The following MAGI2 variants were observed in gnomAD, a reference collection of about 807,000 sequenced individuals.
MAGI2 encodes the protein membrane associated guanylate kinase, WW and PDZ domain containing 2.
Under a neutral mutation model 133.3 loss-of-function variants are expected in MAGI2, and 35 were observed. The observed-to-expected ratio is 0.26, with a 90% CI of 0.20 to 0.35. MAGI2 has a LOEUF of 0.35. Among genes scored for constraint, MAGI2 ranks in the 10% least tolerant of loss-of-function variants. MAGI2 has a pLI of 1.00. For missense variants in MAGI2, 1,636 were observed against 1,863.4 expected (o/e 0.88, Z 2.25); for synonymous variants, 729 against 710.6 (o/e 1.03, Z -0.41).
At chr7:79,057,470 ATT>A (rs1165063456) in intron 1 of MAGI2, among the ~76,000 whole-genome samples, 1 of 152,220 alleles carries the variant, frequency 6.6e-6, no homozygotes, top group Non-Finnish European at 1.5e-5. Context: ...GAATATGTGT[ATT>A]TTTGTTTCTA....
chr7:79,201,495 A>C (rs1828611172), intron 1 of MAGI2, among the ~76,000 whole-genome samples: 2 of 151,874 alleles, frequency 1.3e-5, no homozygotes, highest in South Asian at 4.1e-4. Context: ...ATATTCCATG[A>C]ATAGTGTTTT....
At chr7:78,213,870 C>T (rs1788011965) in intron 10 of MAGI2, among the ~76,000 whole-genome samples, 1 of 152,212 alleles carries the variant, frequency 6.6e-6, no homozygotes, top group African/African-American at 2.4e-5. Context: ...TTCCTTCTAA[C>T]ACTTCTTTCC....
chr7:78,147,866 ATAC>A (rs1402645019), intron 16 of MAGI2, among the ~76,000 whole-genome samples: 1 of 151,972 alleles, frequency 6.6e-6, no homozygotes, highest in Non-Finnish European at 1.5e-5. Context: ...CCAAAATGAC[ATAC>A]TACTATGCAC....
chr7:79,168,030 A>G (rs1253853736), intron 1 of MAGI2, among the ~76,000 whole-genome samples: 2 of 152,152 alleles, frequency 1.3e-5, no homozygotes, highest in Non-Finnish European at 2.9e-5. Context: ...AGGGAGACCC[A>G]TACCTTTATT....
At chr7:78,655,450 C>CAACCAAAAAAAAAAAAAAAAAAAAA (rs1812087110) in intron 2 of MAGI2, among the ~76,000 whole-genome samples, 1 of 59,178 alleles carries the variant, frequency 1.7e-5, no homozygotes, top group Non-Finnish European at 3.5e-5. Flanking sequence ...CAAAAAAAAA[C>CAACCAAAAAAAAAAAAAAAAAAAAA]AACCAAAAAA....
At chr7:78,483,420 A>G (rs73150374) in intron 6 of MAGI2, among the ~76,000 whole-genome samples, 1 of 151,728 alleles carries the variant, frequency 6.6e-6, no homozygotes, top group South Asian at 2.1e-4. Flanking sequence ...AGCCACATGA[A>G]ATATTAACAG....
intron 3 of MAGI2, among the ~76,000 whole-genome samples, chr7:78,585,080 A>G (rs1021239915): frequency 2.0e-5 from 3 of 152,198 alleles, no homozygotes; most frequent in Non-Finnish European, 4.4e-5. Context: ...GGGGTTCCAG[A>G]AAACAAACTT....
intron 9 of MAGI2, among the ~76,000 whole-genome samples, chr7:78,331,362 A>G (rs1166011044): frequency 6.6e-6 from 1 of 152,184 alleles, no homozygotes; most frequent in Non-Finnish European, 1.5e-5. Context: ...CTCAAATACA[A>G]GTTGAAATTA....
Position 78,794,705 on chromosome 7 carries a change from T to C in MAGI2, c.419-167466A>G, listed in dbSNP as rs531283933. Among the ~76,000 whole-genome samples, 127 of 152,298 alleles carry C rather than the reference T, an allele frequency of 8.3e-4. 1 individual carries two copies. Among genetic ancestry groups the C allele is most frequent in the African/African-American group, 3.0e-3 (123 of 41,566 alleles). On this transcript the variant is annotated intron_variant, in intron 2 of 21. Coordinates refer to ENST00000354212, the MANE Select transcript of MAGI2 (RefSeq NM_012301.4). ...GAAAATTATAAACATCATATATTTG[T>C]ATCTTATTTTCTCTACTGATCAATT...
At chr7:79,023,643 G>T (rs567450534) in intron 1 of MAGI2, among the ~76,000 whole-genome samples, 20 of 152,146 alleles carry the variant, frequency 1.3e-4, no homozygotes, top group African/African-American at 4.8e-4. Flanking sequence ...AAAGCTTCAG[G>T]ATATACAATC....
intron 2 of MAGI2, among the ~76,000 whole-genome samples, chr7:79,000,039 A>T (rs79872412): frequency 0.071 from 10,873 of 152,278 alleles, 412 homozygotes; most frequent in Non-Finnish European, 0.081. Flanking sequence ...GTAGAAACAG[A>T]TGTACGATAT....
At chr7:78,763,350 G>A (rs150063859) in intron 2 of MAGI2, among the ~76,000 whole-genome samples, 55 of 152,204 alleles carry the variant, frequency 3.6e-4, no homozygotes, top group African/African-American at 1.3e-3. Context: ...CTGGGGATCC[G>A]CACAGAACAG....
chr7:78,536,495 T>TA (rs1563138500), intron 3 of MAGI2, among the ~76,000 whole-genome samples: 2 of 152,134 alleles, frequency 1.3e-5, no homozygotes, highest in African/African-American at 4.8e-5. Flanking sequence ...GTTGGGTAGT[T>TA]ACAGCTTGGG....
At chr7:79,138,076 TTCTTCCCTAGAG>T (rs1821757722) in intron 1 of MAGI2, among the ~76,000 whole-genome samples, 2 of 152,130 alleles carry the variant, frequency 1.3e-5, no homozygotes, top group African/African-American at 4.8e-5. Context: ...AAGAAATGGA[TTCTTCCCTAGAG>T]TCTCCAGAAA....
chr7:78,968,668 A>G (rs76195100), intron 2 of MAGI2, among the ~76,000 whole-genome samples: 4,015 of 152,164 alleles, frequency 0.026, 177 homozygotes, highest in African/African-American at 0.091. Context: ...ACATTAAGCA[A>G]ATATGTTAAA....
chr7:79,106,926 T>C (rs1323067544), intron 1 of MAGI2, among the ~76,000 whole-genome samples: 1 of 152,208 alleles, frequency 6.6e-6, no homozygotes, highest in Non-Finnish European at 1.5e-5. Flanking sequence ...TTCCCAAGTT[T>C]TATGCCTCTG....
intron 11 of MAGI2, among the ~76,000 whole-genome samples, chr7:78,196,889 T>C (rs1327032847): frequency 6.6e-6 from 1 of 152,234 alleles, no homozygotes; most frequent in Non-Finnish European, 1.5e-5. Flanking sequence ...CTGTGAAACA[T>C]AATCTCTAGA....
chr7:78,846,441 C>T (rs1350843800), intron 2 of MAGI2, among the ~76,000 whole-genome samples: 1 of 151,898 alleles, frequency 6.6e-6, no homozygotes, highest in African/African-American at 2.4e-5. Context: ...GCTGTCTTCA[C>T]GCTCAGAGTT....
chr7:79,304,699 T>C (rs573161238), intron 1 of MAGI2, among the ~76,000 whole-genome samples: 14 of 152,288 alleles, frequency 9.2e-5, no homozygotes, highest in African/African-American at 2.9e-4. Context: ...GAATGTCAAA[T>C]GAGGAAGATG....
Sources: allele counts gnomAD v4.1 joint callset (sites outside exome capture counted in the v4.1 genomes callset), GRCh38; gene constraint gnomAD v4.1.1; transcripts MANE v1.5; gene names NCBI Gene and HGNC (gene_info 2026-07-23, HGNC 2026-07-21).